CRYBB1: variants seen among roughly 807,000 people sequenced by gnomAD.
CRYBB1 encodes the protein crystallin beta B1.
Under a neutral mutation model 29.5 loss-of-function variants are expected in CRYBB1, and 16 were observed. The observed-to-expected ratio is 0.54, with a 90% CI of 0.37 to 0.82. The LOEUF (loss-of-function observed/expected upper bound fraction) is 0.82. Ranked by LOEUF, CRYBB1 falls within the 40% of genes least tolerant of loss-of-function variation. CRYBB1 has a pLI of 0.00. For missense variants in CRYBB1, 300 were observed against 350.5 expected, an observed-to-expected ratio of 0.86 and a Z score of 1.15; for synonymous variants, 127 against 136.7, an observed-to-expected ratio of 0.93 and a Z score of 0.49.
At chr22:26,601,829 C>G in intron 5 of CRYBB1, 50 bp downstream of exon 5, 1 of 1,610,630 alleles carries the variant, frequency 6.2e-7, no homozygotes, top group Non-Finnish European at 8.5e-7. Context: ...GCCTCTGATT[C>G]TGCCTGTGCT....
chr22:26,605,572 G>T (rs988041540), intron 4 of CRYBB1, among the ~76,000 whole-genome samples: 5 of 151,374 alleles, frequency 3.3e-5, no homozygotes, highest in African/African-American at 1.2e-4. Flanking sequence ...TACTTGGGAG[G>T]CTGAGGCAGG....
At chr22:26,612,554 T>C (rs542130309) in intron 2 of CRYBB1, among the ~76,000 whole-genome samples, 16 of 152,216 alleles carry the variant, frequency 1.1e-4, no homozygotes, top group Non-Finnish European at 2.2e-4. Flanking sequence ...GATTTTGCCA[T>C]GTTGCTCAGG....
At position 26,607,502 on chromosome 22, in the gene CRYBB1, A is replaced by G. The variant is rs117359555; in HGVS notation, c.432+387T>C. On this transcript the variant is annotated intron_variant, in intron 4 of 5. Transcript: ENST00000647684. ...AGGCCAGGAGTTCAAGGCTGCAGTGAGCTATGATCACACTACTGTACACCA... is the reference window on the plus strand; with the variant it reads ...AGGCCAGGAGTTCAAGGCTGCAGTGGGCTATGATCACACTACTGTACACCA... 1.1e-3 allele frequency among the ~76,000 whole-genome samples: 156 copies of G among 148,046 alleles called. 1 individual carries two copies. The East Asian group carries it at 0.029, about 27-fold the overall frequency.
At chr22:26,602,970 A>G (rs1928867259) in intron 4 of CRYBB1, among the ~76,000 whole-genome samples, 1 of 151,454 alleles carries the variant, frequency 6.6e-6, no homozygotes, top group African/African-American at 2.4e-5. Flanking sequence ...AAAAATACAA[A>G]AAAAATTAGC....
At chr22:26,613,355 G>A (rs1929239848) in intron 2 of CRYBB1, among the ~76,000 whole-genome samples, 1 of 152,156 alleles carries the variant, frequency 6.6e-6, no homozygotes, top group Admixed American at 6.5e-5. Flanking sequence ...TCTACCTTTG[G>A]TTGCCCAAGA....
At chr22:26,612,891 C>T (rs979229781) in intron 2 of CRYBB1, among the ~76,000 whole-genome samples, 3 of 152,150 alleles carry the variant, frequency 2.0e-5, no homozygotes, top group Non-Finnish European at 2.9e-5. Flanking sequence ...CTTCCTCCAT[C>T]GGCCTTGGTT....
chr22:26,601,449 C>G (rs1251293744), intron 5 of CRYBB1, among the ~76,000 whole-genome samples: 1 of 151,898 alleles, frequency 6.6e-6, no homozygotes, highest in African/African-American at 2.4e-5. Context: ...ATGTCAGTAG[C>G]AGGGTCAGGG....
chr22:26,608,157 T>A, intron 3 of CRYBB1, 136 bp from the exon 4 acceptor site: 1 of 1,299,498 alleles, frequency 7.7e-7, no homozygotes, highest in Non-Finnish European at 1.1e-6. Context: ...GCTGAACATG[T>A]CTGGGTTTGA....
At chr22:26,600,501 G>T (rs184717628) in intron 5 of CRYBB1, among the ~76,000 whole-genome samples, 1 of 152,308 alleles carries the variant, frequency 6.6e-6, no homozygotes, top group East Asian at 1.9e-4. Context: ...TCAAATCCTA[G>T]CTCTGCCATT....
At chr22:26,607,321 T>C (rs897544093) in intron 4 of CRYBB1, among the ~76,000 whole-genome samples, 1 of 152,190 alleles carries the variant, frequency 6.6e-6, no homozygotes, top group East Asian at 1.9e-4. Context: ...CATGCCCGGC[T>C]ACAATATCCC....
intron 4 of CRYBB1, among the ~76,000 whole-genome samples, chr22:26,606,254 G>T (rs1928973490): frequency 6.6e-6 from 1 of 152,002 alleles, no homozygotes. Flanking sequence ...TGGGGTCTAG[G>T]CTTTGAGATT....
chr22:26,614,346 C>T (rs879891324), intron 2 of CRYBB1, among the ~76,000 whole-genome samples: 30 of 152,304 alleles, frequency 2.0e-4, no homozygotes, highest in East Asian at 1.5e-3. Context: ...CTCCCCCGGA[C>T]GCCCAGCTTT....
At chr22:26,614,551 G>A (rs1929281508) in intron 2 of CRYBB1, among the ~76,000 whole-genome samples, 1 of 152,168 alleles carries the variant, frequency 6.6e-6, no homozygotes, top group African/African-American at 2.4e-5. Context: ...GAAAGAGATG[G>A]TCACGCTCTG....
chr22:26,617,533 G>A (rs890403969), intron 1 of CRYBB1, among the ~76,000 whole-genome samples: 2 of 152,080 alleles, frequency 1.3e-5, no homozygotes, highest in African/African-American at 4.8e-5. Flanking sequence ...CACTCCCCCA[G>A]GGCTGGCAGC....
intron 2 of CRYBB1, among the ~76,000 whole-genome samples, chr22:26,614,756 C>T (rs570035217): frequency 2.6e-5 from 4 of 152,078 alleles, no homozygotes; most frequent in Middle Eastern, 3.4e-3. Flanking sequence ...CTTGGGGAGG[C>T]GGAGGCTAGG....
At chr22:26,609,542 G>A (rs1470990556) in intron 3 of CRYBB1, among the ~76,000 whole-genome samples, 1 of 152,108 alleles carries the variant, frequency 6.6e-6, no homozygotes, top group African/African-American at 2.4e-5. Context: ...AGATGGATGG[G>A]TGGGTAGATG....
At chr22:26,608,260 T>C (rs1428032417) in intron 3 of CRYBB1, among the ~76,000 whole-genome samples, 1 of 152,258 alleles carries the variant, frequency 6.6e-6, no homozygotes, top group Admixed American at 6.5e-5. Context: ...ATATGCCTGT[T>C]TCCTTGGAGT....
intron 5 of CRYBB1, 87 bp from the exon 6 acceptor site, chr22:26,599,760 T>C (rs1298348128): frequency 2.9e-6 from 3 of 1,022,712 alleles, no homozygotes; most frequent in Non-Finnish European, 4.6e-6. Context: ...CTGTCCTTCA[T>C]TGATCCCTGC....
At chr22:26,617,647 T>G (rs768583399) in intron 1 of CRYBB1, among the ~76,000 whole-genome samples, 1 of 152,034 alleles carries the variant, frequency 6.6e-6, no homozygotes, top group Non-Finnish European at 1.5e-5. Context: ...TCTATCTGTT[T>G]CTTACTTCTC....
Sources: allele counts gnomAD v4.1 joint callset (sites outside exome capture counted in the v4.1 genomes callset), GRCh38; gene constraint gnomAD v4.1.1; transcripts MANE v1.5; gene names NCBI Gene and HGNC (gene_info 2026-07-23, HGNC 2026-07-21).